CCDC149: variants seen among roughly 807,000 people sequenced by gnomAD.
CCDC149 encodes the protein coiled-coil domain-containing protein 149.
In CCDC149, 45 loss-of-function variants were observed where a neutral mutation model predicts 59.9. The observed-to-expected ratio is 0.75, with a 90% CI of 0.59 to 0.96. The LOEUF (loss-of-function observed/expected upper bound fraction) is 0.96. Ranked by LOEUF, CCDC149 falls within the 40% of genes least tolerant of loss-of-function variation. The pLI is 0.00. For synonymous variants in CCDC149, 245 were observed against 260.6 expected, an observed-to-expected ratio of 0.94 and a Z score of 0.58; for missense variants, 584 against 664.7, an observed-to-expected ratio of 0.88 and a Z score of 1.33.
At chr4:24,901,318 C>CTTCTCTG (rs58754676) in intron 1 of CCDC149, among the ~76,000 whole-genome samples, 62,908 of 151,794 alleles carry the variant, frequency 0.41, 15,348 homozygotes, top group Non-Finnish European at 0.54. Context: ...GTACTAAAGC[C>CTTCTCTG]CCAGTATGGT....
In CCDC149 at chr4:24,837,309, C is replaced by T. The variant is rs1356444955; in HGVS notation, c.581G>A (p.Arg194Lys). Residue 194 changes from arginine to lysine, a missense_variant, in exon 6 of 13, where the codon AGG becomes AAG. Coordinates refer to ENST00000635206, the MANE Select transcript of CCDC149 (RefSeq NM_001330643.2). This position sits in a 1 kb window ranked among gnomAD's most constrained non-coding sequence, Gnocchi z 4.3. ...GATATGGTTCAGCTCCTGGTTGAGCCTCTCCACTTTGTCCTGGTAGGAAGA... is the reference window on the plus strand; with the variant it reads ...GATATGGTTCAGCTCCTGGTTGAGCTTCTCCACTTTGTCCTGGTAGGAAGA... The T allele has an allele frequency of 6.2e-7, 1 of 1,614,080 alleles. No individual in the cohort carries two copies. Among genetic ancestry groups the T allele is most frequent in the Admixed American group, 1.7e-5 (1 of 60,004 alleles).
chr4:24,878,674 C>T (rs2109254044), intron 1 of CCDC149, among the ~76,000 whole-genome samples: 1 of 152,316 alleles, frequency 6.6e-6, no homozygotes, highest in South Asian at 2.1e-4. Flanking sequence ...TTCAATTTAT[C>T]AGATTCAAAC....
At chr4:24,812,074 C>T (rs1577372719) in intron 12 of CCDC149, among the ~76,000 whole-genome samples, 1 of 152,258 alleles carries the variant, frequency 6.6e-6, no homozygotes, top group South Asian at 2.1e-4. Context: ...TCTTGCCTCC[C>T]TCTTGAAAGG....
chr4:24,949,459 A>T, intron 1 of CCDC149, among the ~76,000 whole-genome samples: 4 of 144,624 alleles, frequency 2.8e-5, no homozygotes, highest in African/African-American at 5.2e-5. Context: ...TGGTGGGGGG[A>T]CTCCCTCATC....
intron 1 of CCDC149, among the ~76,000 whole-genome samples, chr4:24,905,426 T>C (rs1244115597): frequency 6.7e-6 from 1 of 149,860 alleles, no homozygotes; most frequent in East Asian, 2.0e-4. Flanking sequence ...TGTGTGTGTG[T>C]GTGTGTGTGT....
At chr4:24,979,778 A>C (rs562290132) in intron 1 of CCDC149, among the ~76,000 whole-genome samples, 2 of 152,260 alleles carry the variant, frequency 1.3e-5, no homozygotes, top group South Asian at 4.1e-4. Flanking sequence ...ATTACAGTAA[A>C]AGGAACCTGC....
At position 24,831,586 on chromosome 4, in the gene CCDC149, G is replaced by A. The variant is rs1716154625; in HGVS notation, c.885C>T (p.Asp295=). ...ACAGGGCTGTTGCCAGAGATTTCAG[G>A]TCAGAAATGGACTGCGGAGTAGCTG... Residue 295 remains aspartate, a synonymous_variant, in exon 9 of 13, where the codon GAC becomes GAT. Coordinates refer to ENST00000635206, the MANE Select transcript of CCDC149 (RefSeq NM_001330643.2). 6.2e-7 allele frequency: 1 copy of A among 1,614,046 alleles called. No individual in the cohort carries two copies. The highest frequency in any genetic ancestry group is 1.1e-5 in the South Asian group (1 of 91,068).
intron 1 of CCDC149, among the ~76,000 whole-genome samples, chr4:24,879,942 T>G (rs1239021470): frequency 6.6e-6 from 1 of 152,202 alleles, no homozygotes; most frequent in African/African-American, 2.4e-5. Context: ...CTGGAGGGAC[T>G]GAGAGGCCAC....
At chr4:24,966,691 T>C (rs1042758845) in intron 1 of CCDC149, among the ~76,000 whole-genome samples, 3 of 152,230 alleles carry the variant, frequency 2.0e-5, no homozygotes, top group Non-Finnish European at 4.4e-5. Flanking sequence ...GTGGAGACAG[T>C]TGTCTCTGGA....
At chr4:24,853,219 G>C in intron 3 of CCDC149, 40 bp from the exon 4 acceptor site, 1 of 1,453,544 alleles carries the variant, frequency 6.9e-7, no homozygotes. Context: ...ATCAGAAATG[G>C]AGGAGTGGAT....
At chr4:24,906,401 T>TTTTATTTTATTTTATTTTATTTTA (rs748984036) in intron 1 of CCDC149, among the ~76,000 whole-genome samples, 34,274 of 99,426 alleles carry the variant, frequency 0.34, 8,487 homozygotes, top group Non-Finnish European at 0.47. Context: ...TTTTATTTTA[T>TTTTATTTTATTTTATTTTATTTTA]TTTATTTTAC....
At chr4:24,923,306 G>C (rs773862189) in intron 1 of CCDC149, among the ~76,000 whole-genome samples, 1 of 152,182 alleles carries the variant, frequency 6.6e-6, no homozygotes, top group Non-Finnish European at 1.5e-5. Flanking sequence ...AATACTTTCT[G>C]AGTTCCTACT....
At chr4:24,831,409 T>G in intron 9 of CCDC149, 97 bp downstream of exon 9, 1 of 1,261,050 alleles carries the variant, frequency 7.9e-7, no homozygotes, top group Non-Finnish European at 1.1e-6. Context: ...TCACCTTCCC[T>G]GCAGGTCCGT....
rs781489183 is a variant in CCDC149, at chr4:24,912,859, G to T, written c.21C>A (p.Asn7Lys). 7.3e-7 allele frequency: 1 copy of T among 1,377,280 alleles called. No homozygotes were observed. Among genetic ancestry groups the T allele is most frequent in the South Asian group, 1.4e-5 (1 of 70,272 alleles). 85.3% of individuals were successfully genotyped at this position (1,377,280 alleles called of 1,614,324 possible). A position where few individuals can be genotyped will look rare whatever the true frequency, so the allele number is the denominator to read the frequency against. ...GCCAGTCGCTCTCAGTCCGGTCGCC[G>T]TTCATGGCCTCCTCCTCCATGCGCT... Residue 7 changes from asparagine (N) to lysine (K), a missense_variant, in exon 1 of 13, where the codon AAC becomes AAA. Physicochemically the swap from Asn to Lys is moderately conservative, Grantham distance 94. Coordinates refer to ENST00000635206, the MANE Select transcript of CCDC149 (RefSeq NM_001330643.2).
chr4:24,888,562 C>A (rs996533862), intron 1 of CCDC149, among the ~76,000 whole-genome samples: 3 of 152,192 alleles, frequency 2.0e-5, no homozygotes, highest in Non-Finnish European at 2.9e-5. Context: ...GATTCACCAA[C>A]CCTAGATAGA....
chr4:24,818,697 G>A (rs757432975), intron 12 of CCDC149, among the ~76,000 whole-genome samples: 9 of 152,208 alleles, frequency 5.9e-5, no homozygotes, highest in East Asian at 3.9e-4. Flanking sequence ...CATGAACAGC[G>A]TGGATAGCTG....
chr4:24,899,624 G>T (rs1721043834), intron 1 of CCDC149, among the ~76,000 whole-genome samples: 1 of 152,114 alleles, frequency 6.6e-6, no homozygotes, highest in African/African-American at 2.4e-5. Context: ...TAAGGGCAAA[G>T]GGACAGACAG....
chr4:24,852,284 C>CCACACA (rs1320397543), intron 4 of CCDC149, among the ~76,000 whole-genome samples: 8 of 109,274 alleles, frequency 7.3e-5, no homozygotes, highest in East Asian at 2.4e-4. Context: ...CTCCAACACA[C>CCACACA]CATACACACA....
intron 1 of CCDC149, among the ~76,000 whole-genome samples, chr4:24,897,478 TG>T (rs1361083820): frequency 4.6e-5 from 7 of 151,984 alleles, no homozygotes; most frequent in Non-Finnish European, 1.0e-4. Context: ...TCCAGAGACT[TG>T]ATCAGGCAGT....
Sources: allele counts gnomAD v4.1 joint callset (sites outside exome capture counted in the v4.1 genomes callset), GRCh38; gene constraint gnomAD v4.1.1; non-coding constraint Gnocchi (gnomAD v3.1); transcripts MANE v1.5; gene names NCBI Gene and HGNC (gene_info 2026-07-23, HGNC 2026-07-21).